The following ROBO2 variants were observed in gnomAD, a reference collection of about 807,000 sequenced individuals.
ROBO2 encodes the protein roundabout guidance receptor 2.
Under a neutral mutation model 160.8 loss-of-function variants are expected in ROBO2, and 53 were observed. The observed-to-expected ratio is 0.33, with a 90% confidence interval of 0.26 to 0.41. ROBO2 has a LOEUF of 0.41. Among genes scored for constraint, ROBO2 ranks in the 10% least tolerant of loss-of-function variants. The pLI, the probability that ROBO2 is intolerant of heterozygous loss-of-function variation, is 1.00. For synonymous variants in ROBO2, 664 were observed against 611.7 expected, an observed-to-expected ratio of 1.09 and a Z score of -1.26; for missense variants, 1,577 against 1,722.4, an observed-to-expected ratio of 0.92 and a Z score of 1.49.
At chr3:77,181,402 T>C (rs543378424) in intron 2 of ROBO2, among the ~76,000 whole-genome samples, 1 of 152,130 alleles carries the variant, frequency 6.6e-6, no homozygotes, top group Non-Finnish European at 1.5e-5. Context: ...TGTGTGTCTG[T>C]GGAAAATGAA....
intron 2 of ROBO2, among the ~76,000 whole-genome samples, chr3:76,664,186 A>G (rs2091933569): frequency 6.6e-6 from 1 of 152,200 alleles, no homozygotes; most frequent in Non-Finnish European, 1.5e-5. Context: ...TAAAGATCAC[A>G]GAAGCTGTTA....
rs75950878 is a variant in ROBO2 at position 75,985,900 on chromosome 3, A to G, written c.109+48298A>G. 2.7e-4 allele frequency among the ~76,000 whole-genome samples: 41 copies of G among 151,706 alleles called. 1 individual carries two copies. The East Asian group carries it at 7.2e-3, about 27-fold the overall frequency. ...TTGTATTCATTTTTAAGGCTGAATA[A>G]TATTCTTTTATTTGTGTACACCACA... On this transcript the variant is annotated intron_variant, in intron 2 of 26. Coordinates refer to the ROBO2 transcript ENST00000487694.
At chr3:76,580,349 T>C (rs1200598279) in intron 2 of ROBO2, among the ~76,000 whole-genome samples, 6 of 148,118 alleles carry the variant, frequency 4.1e-5, no homozygotes, top group African/African-American at 7.4e-5. Context: ...TGTGTTTTTT[T>C]TTTTGTTTTT....
At chr3:77,478,873 AT>A (rs1010775457) in intron 3 of ROBO2, among the ~76,000 whole-genome samples, 1 of 152,114 alleles carries the variant, frequency 6.6e-6, no homozygotes, top group African/African-American at 2.4e-5. Flanking sequence ...AGGCAAAGAT[AT>A]TTTTTCCCTT....
chr3:77,063,321 A>G (rs1182388412), intron 1 of ROBO2, among the ~76,000 whole-genome samples: 1 of 152,166 alleles, frequency 6.6e-6, no homozygotes, highest in Admixed American at 6.5e-5. Flanking sequence ...ATGTGCTTAG[A>G]TTTGATAATG....
chr3:76,337,422 A>G (rs532910326), intron 2 of ROBO2, among the ~76,000 whole-genome samples: 106 of 152,354 alleles, frequency 7.0e-4, no homozygotes, highest in African/African-American at 2.3e-3. Flanking sequence ...ATAGATAGGA[A>G]TTAATATTTC....
chr3:76,175,139 C>A (rs1575755347), intron 2 of ROBO2, among the ~76,000 whole-genome samples: 1 of 152,096 alleles, frequency 6.6e-6, no homozygotes, highest in Admixed American at 6.6e-5. Flanking sequence ...AATGGGAGTT[C>A]ACTCATGATA....
intron 2 of ROBO2, among the ~76,000 whole-genome samples, chr3:77,312,101 A>AG (rs2063593938): frequency 1.3e-5 from 2 of 152,152 alleles, no homozygotes; most frequent in African/African-American, 2.4e-5. Flanking sequence ...AGAAAAAAAA[A>AG]TGATTCAGAA....
chr3:77,188,213 A>G (rs1447245997), intron 2 of ROBO2, among the ~76,000 whole-genome samples: 1 of 143,332 alleles, frequency 7.0e-6, no homozygotes, highest in Non-Finnish European at 1.5e-5. Context: ...CTTATATATT[A>G]TTTGCTCTGA....
chr3:76,142,195 A>G (rs1018472596), intron 2 of ROBO2, among the ~76,000 whole-genome samples: 5 of 151,986 alleles, frequency 3.3e-5, no homozygotes, highest in Non-Finnish European at 5.9e-5. Context: ...AATAAAATCA[A>G]TTGTTTCGGG....
intron 2 of ROBO2, among the ~76,000 whole-genome samples, chr3:76,280,966 G>A (rs944695853): frequency 6.6e-6 from 1 of 151,886 alleles, no homozygotes; most frequent in African/African-American, 2.4e-5. Flanking sequence ...CACCCTTCTG[G>A]AAGGAAGTCT....
intron 2 of ROBO2, among the ~76,000 whole-genome samples, chr3:77,165,475 T>C (rs1242202163): frequency 6.7e-6 from 1 of 148,844 alleles, no homozygotes; most frequent in Non-Finnish European, 1.5e-5. Flanking sequence ...TTTGTTCACT[T>C]GTTTATCTGC....
At chr3:76,004,946 G>A (rs1315077782) in intron 2 of ROBO2, among the ~76,000 whole-genome samples, 2 of 152,162 alleles carry the variant, frequency 1.3e-5, no homozygotes, top group Non-Finnish European at 2.9e-5. Context: ...CTGTTGGGAG[G>A]TGGGGCCCAA....
chr3:76,132,688 C>T (rs553773774), intron 2 of ROBO2, among the ~76,000 whole-genome samples: 5 of 152,120 alleles, frequency 3.3e-5, no homozygotes, highest in Non-Finnish European at 5.9e-5. Context: ...AAACATGTAA[C>T]ACATTTACAT....
chr3:76,249,390 T>C (rs2107546350), intron 2 of ROBO2, among the ~76,000 whole-genome samples: 1 of 152,230 alleles, frequency 6.6e-6, no homozygotes, highest in East Asian at 1.9e-4. Context: ...TATAGCAAAG[T>C]AAAGATTTTA....
At chr3:76,272,652 G>A (rs2107632674) in intron 2 of ROBO2, among the ~76,000 whole-genome samples, 1 of 81,094 alleles carries the variant, frequency 1.2e-5, no homozygotes. Flanking sequence ...GAAAGAGCGA[G>A]ACCCTGTCTA....
At chr3:76,854,931 G>A (rs1221023254) in intron 2 of ROBO2, among the ~76,000 whole-genome samples, 1 of 152,116 alleles carries the variant, frequency 6.6e-6, no homozygotes, top group East Asian at 1.9e-4. Context: ...TTGTATATGA[G>A]AGAATAATCA....
chr3:76,863,061 T>A (rs2070970486), intron 2 of ROBO2, among the ~76,000 whole-genome samples: 1 of 152,110 alleles, frequency 6.6e-6, no homozygotes, highest in African/African-American at 2.4e-5. Flanking sequence ...TTTCGTGCTG[T>A]AACTTCTATA....
intron 24 of ROBO2, among the ~76,000 whole-genome samples, chr3:77,637,435 T>C (rs2153719070): frequency 6.6e-6 from 1 of 152,316 alleles, no homozygotes; most frequent in East Asian, 1.9e-4. Context: ...TTATCTTTCC[T>C]GCTTCCTTTG....
Sources: allele counts gnomAD v4.1 joint callset (sites outside exome capture counted in the v4.1 genomes callset), GRCh38; gene constraint gnomAD v4.1.1; transcripts MANE v1.5; gene names NCBI Gene and HGNC (gene_info 2026-07-23, HGNC 2026-07-21).